The following SPECC1L variants were observed in gnomAD, a reference collection of about 807,000 sequenced individuals.
The protein encoded by SPECC1L is sperm antigen with calponin homology and coiled-coil domains 1 like, also known as cytospin-A.
SPECC1L carries 40 observed loss-of-function variants against 116.8 expected under a neutral mutation model. The ratio of observed to expected loss-of-function variants is 0.34; its 90% CI spans 0.27 to 0.45. The LOEUF (loss-of-function observed/expected upper bound fraction) is 0.45, where lower values mean the gene tolerates loss of function less well. Among genes scored for constraint, SPECC1L ranks in the 20% least tolerant of loss-of-function variants. SPECC1L has a pLI of 1.00. For synonymous variants in SPECC1L, 504 were observed against 500.6 expected (o/e 1.01, Z -0.09); for missense variants, 1,110 against 1,373.6 (o/e 0.81, Z 3.03).
intron 14 of SPECC1L, among the ~76,000 whole-genome samples, chr22:24,383,794 T>TTTTTA (rs2042108229): frequency 1.2e-4 from 1 of 8,306 alleles, no homozygotes; most frequent in Non-Finnish European, 3.0e-4. Context: ...CCACCACTAT[T>TTTTTA]TTTTTTTTTT....
At chr22:24,386,348 C>T (rs998967929) in intron 14 of SPECC1L, among the ~76,000 whole-genome samples, 8 of 152,024 alleles carry the variant, frequency 5.3e-5, no homozygotes, top group African/African-American at 1.9e-4. Flanking sequence ...GGAGGATCCC[C>T]TGAGGCCAAG....
chr22:24,411,758 A>G lies in SPECC1L; in HGVS notation c.3204+54A>G, dbSNP rs972141509. On this transcript the variant is annotated intron_variant, in intron 15 of 16. Coordinates refer to ENST00000314328, the MANE Select transcript of SPECC1L (RefSeq NM_015330.6). Reference sequence around the variant, plus strand: ...CCCACCTCACAGGGTTGGAGGGCTGAGAACCAAGGGCAGCACCTGCCTCAG... The same window carrying G: ...CCCACCTCACAGGGTTGGAGGGCTGGGAACCAAGGGCAGCACCTGCCTCAG... 8 of 1,444,796 alleles carry G rather than the reference A, an allele frequency of 5.5e-6. No individual in the cohort carries two copies. The African/African-American group carries it at 1.1e-4, about 20-fold the overall frequency. 89.5% of individuals were successfully genotyped at this position (1,444,796 alleles called of 1,614,324 possible).
At position 24,279,455 on chromosome 22, in the gene SPECC1L, C is replaced by T. The variant is rs144457823; in HGVS notation, c.-38+2652C>T. Among the ~76,000 whole-genome samples the T allele has an allele frequency of 4.1e-3, 618 of 152,270 alleles. 7 individuals carry two copies. Among genetic ancestry groups the T allele is most frequent in the African/African-American group, 0.014 (577 of 41,558 alleles). Reference sequence around the variant, plus strand: ...TTTTGCACAGGCTGGTCTCAAATTCCTGGGCTCAAGTGATCCCCTTGCCTC... The same window carrying T: ...TTTTGCACAGGCTGGTCTCAAATTCTTGGGCTCAAGTGATCCCCTTGCCTC... On this transcript the variant is annotated intron_variant, in intron 2 of 16. Coordinates refer to ENST00000314328, the MANE Select transcript of SPECC1L (RefSeq NM_015330.6).
chr22:24,411,739 T>C (rs1380134661), intron 15 of SPECC1L, 35 bp downstream of exon 15: 4 of 1,559,210 alleles, frequency 2.6e-6, no homozygotes, highest in Non-Finnish European at 3.5e-6. Context: ...GGCACCCACC[T>C]CACAGGGTTG....
intron 9 of SPECC1L, among the ~76,000 whole-genome samples, chr22:24,335,209 C>T (rs1242843250): frequency 6.6e-6 from 1 of 152,170 alleles, no homozygotes; most frequent in Non-Finnish European, 1.5e-5. Context: ...TAGTTCAAGC[C>T]ACCATCAACC....
chr22:24,386,391 AC>A (rs1204666518), intron 14 of SPECC1L, among the ~76,000 whole-genome samples: 1 of 152,008 alleles, frequency 6.6e-6, no homozygotes, highest in East Asian at 1.9e-4. Flanking sequence ...ACATAGTGAG[AC>A]CCCCGTCCCT....
At chr22:24,294,774 G>A (rs558696207) in intron 2 of SPECC1L, among the ~76,000 whole-genome samples, 7 of 152,174 alleles carry the variant, frequency 4.6e-5, no homozygotes, top group East Asian at 3.9e-4. Flanking sequence ...TGGAATAAAC[G>A]TTTATTGATA....
chr22:24,329,924 G>A (rs555611755), intron 7 of SPECC1L, among the ~76,000 whole-genome samples: 2 of 152,092 alleles, frequency 1.3e-5, no homozygotes, highest in Admixed American at 1.3e-4. Context: ...AATTCTGGAT[G>A]ATGTTTATTT....
At chr22:24,334,597 G>T in intron 9 of SPECC1L, 24 bp downstream of exon 9, 2 of 1,613,244 alleles carry the variant, frequency 1.2e-6, no homozygotes, top group Non-Finnish European at 1.7e-6. Flanking sequence ...CCTACATTGT[G>T]CCTACTGCAT....
intron 14 of SPECC1L, among the ~76,000 whole-genome samples, chr22:24,376,501 T>G (rs2041974234): frequency 1.3e-5 from 2 of 152,208 alleles, no homozygotes; most frequent in Admixed American, 1.3e-4. Flanking sequence ...AGGAATAAAT[T>G]TAACCAAGGA....
rs189541850 is a variant in SPECC1L at position 24,414,170 on chromosome 22, G to C, written c.3265-364G>C. 4.6e-5 allele frequency among the ~76,000 whole-genome samples: 7 copies of C among 152,320 alleles called. No homozygotes were observed. In the East Asian group the frequency reaches 1.3e-3, roughly 29 times the overall value. Reference sequence around the variant, plus strand: ...GACAGAGAGAAATTCTCCTAGGCCAGTGCCTGGGGCTGAGAAGGGCTCTCA... The same window carrying C: ...GACAGAGAGAAATTCTCCTAGGCCACTGCCTGGGGCTGAGAAGGGCTCTCA... On this transcript the variant is annotated intron_variant, in intron 16 of 16. Transcript: ENST00000314328.
chr22:24,274,094 C>T (rs943849049), intron 1 of SPECC1L, among the ~76,000 whole-genome samples: 1 of 152,198 alleles, frequency 6.6e-6, no homozygotes, highest in Non-Finnish European at 1.5e-5. Context: ...ACAAATAAGC[C>T]TAGGCAGGGA....
At chr22:24,286,516 G>A (rs1216814296) in intron 2 of SPECC1L, among the ~76,000 whole-genome samples, 1 of 152,188 alleles carries the variant, frequency 6.6e-6, no homozygotes, top group Non-Finnish European at 1.5e-5. Context: ...CATATGGTGT[G>A]TTTCGGCATT....
intron 2 of SPECC1L, among the ~76,000 whole-genome samples, chr22:24,287,352 G>T (rs1439795543): frequency 6.6e-6 from 1 of 152,176 alleles, no homozygotes; most frequent in Non-Finnish European, 1.5e-5. Context: ...TGGGATGTGT[G>T]CTTTAGAGTG....
intron 9 of SPECC1L, 93 bp from the exon 10 acceptor site, chr22:24,338,293 G>A (rs1266610815): frequency 2.4e-6 from 3 of 1,241,230 alleles, no homozygotes; most frequent in Middle Eastern, 1.9e-4. Flanking sequence ...GGGTTTGAGA[G>A]CATTGGGTAA....
At chr22:24,319,953 GGTGCGGTGGCTCACGCCTGTAA>G (rs766781541) in intron 4 of SPECC1L, among the ~76,000 whole-genome samples, 16 of 152,324 alleles carry the variant, frequency 1.1e-4, no homozygotes, top group South Asian at 8.3e-4. Context: ...TTCCTGGCCA[GGTGCGGTGGCTCACGCCTGTAA>G]GTGCGGTGGC....
chr22:24,273,569 A>C (rs1052369650), intron 1 of SPECC1L, among the ~76,000 whole-genome samples: 2 of 152,196 alleles, frequency 1.3e-5, no homozygotes, highest in African/African-American at 4.8e-5. Flanking sequence ...GCTGTTAGGG[A>C]GTTCAGGAAA....
intron 14 of SPECC1L, among the ~76,000 whole-genome samples, chr22:24,375,897 C>T (rs2041961480): frequency 6.6e-6 from 1 of 152,032 alleles, no homozygotes; most frequent in South Asian, 2.1e-4. Flanking sequence ...TTGCAGTGAG[C>T]TGATAACACA....
chr22:24,404,424 T>A (rs2042544925), intron 14 of SPECC1L, among the ~76,000 whole-genome samples: 1 of 152,200 alleles, frequency 6.6e-6, no homozygotes, highest in South Asian at 2.1e-4. Context: ...ATCTGCTCAG[T>A]GCCCACCTTC....
Sources: gnomAD v4.1 joint callset for allele counts (sites outside exome capture counted in the v4.1 genomes callset) on GRCh38, gnomAD v4.1.1 for gene constraint, MANE v1.5 for transcripts, NCBI Gene and HGNC (gene_info 2026-07-23, HGNC 2026-07-21) for gene names.